CD86: variants seen among roughly 807,000 people sequenced by gnomAD.
CD86 encodes CD86 molecule.
In CD86, 11 loss-of-function variants were observed where a neutral mutation model predicts 32.1. That is an observed-to-expected ratio of 0.34 (90% CI 0.22 to 0.57). The LOEUF is 0.57. CD86 is among the 20% of genes least tolerant of loss of function. The probability of loss-of-function intolerance (pLI) is 0.86; values close to 1 mark genes in which losing one functional copy is unlikely to be tolerated. For synonymous variants in CD86, 137 were observed against 135.3 expected, an observed-to-expected ratio of 1.01 and a Z score of -0.09; for missense variants, 359 against 398.4, an observed-to-expected ratio of 0.90 and a Z score of 0.84.
chr3:122,070,128 T>A (rs1275544628), intron 1 of CD86, among the ~76,000 whole-genome samples: 1 of 152,228 alleles, frequency 6.6e-6, no homozygotes, highest in African/African-American at 2.4e-5. Context: ...CAGACAGTCT[T>A]CTGCATTCAC....
intron 1 of CD86, among the ~76,000 whole-genome samples, chr3:122,064,917 G>A (rs1382131659): frequency 6.6e-6 from 1 of 152,184 alleles, no homozygotes; most frequent in Non-Finnish European, 1.5e-5. Flanking sequence ...TTGGAAAGAT[G>A]AAGATGAATC....
intron 2 of CD86, among the ~76,000 whole-genome samples, chr3:122,097,104 A>G (rs2072919730): frequency 6.6e-6 from 1 of 152,236 alleles, no homozygotes. Flanking sequence ...TCTCGCGGAC[A>G]CTGGGTATTA....
intron 4 of CD86, among the ~76,000 whole-genome samples, chr3:122,108,014 T>C (rs1248182239): frequency 2.0e-5 from 3 of 152,220 alleles, no homozygotes; most frequent in East Asian, 1.9e-4. Flanking sequence ...ATTAGTTTGA[T>C]TGGTGGCCAC....
At chr3:122,085,108 A>C (rs1414069447) in intron 1 of CD86, among the ~76,000 whole-genome samples, 1 of 152,228 alleles carries the variant, frequency 6.6e-6, no homozygotes. Context: ...CACCAAACAC[A>C]ATGCTTGGTT....
chr3:122,087,976 C>A (rs2072751652), intron 1 of CD86, among the ~76,000 whole-genome samples: 1 of 152,076 alleles, frequency 6.6e-6, no homozygotes, highest in Non-Finnish European at 1.5e-5. Flanking sequence ...TCCAAGATTC[C>A]TTAGAGCAAT....
At chr3:122,057,379 A>C (rs940402555) in intron 1 of CD86, among the ~76,000 whole-genome samples, 2 of 152,252 alleles carry the variant, frequency 1.3e-5, no homozygotes, top group African/African-American at 4.8e-5. Context: ...TTGGATGATT[A>C]TGGAACATCC....
At chr3:122,118,864 T>G (rs1158517649) in intron 6 of CD86, among the ~76,000 whole-genome samples, 1 of 152,206 alleles carries the variant, frequency 6.6e-6, no homozygotes. Context: ...TGGTGATCAG[T>G]CCTTTCACAA....
At chr3:122,086,583 C>A in intron 1 of CD86, 1 of 481,584 alleles carries the variant, frequency 2.1e-6, no homozygotes, top group South Asian at 1.5e-5. Flanking sequence ...CACCTGAAGC[C>A]TAAATCCACG....
chr3:122,106,572 G>A (rs1234191884), intron 4 of CD86, 72 bp downstream of exon 4: 11 of 1,342,178 alleles, frequency 8.2e-6, no homozygotes, highest in African/African-American at 2.9e-5. Context: ...ATCATCCAAT[G>A]TCCCCGACTT....
intron 1 of CD86, among the ~76,000 whole-genome samples, chr3:122,084,215 G>T (rs1202220732): frequency 6.6e-6 from 1 of 152,202 alleles, no homozygotes. Context: ...TCAAACTCCT[G>T]ACCTCAGGTA....
rs535500351 is a variant in CD86 at position 122,075,294 on chromosome 3, C to T, written c.15-16307C>T. ...AATGGGTGAGGGTCCTAGAGACTAT[C>T]GACATGAGGGGCAGTTGAGAACACT... On this transcript the variant is annotated intron_variant, in intron 1 of 6. Transcript: ENST00000330540. 2.0e-5 allele frequency among the ~76,000 whole-genome samples: 3 copies of T among 152,138 alleles called. No homozygotes were observed. The South Asian group carries it at 6.2e-4, about 32-fold the overall frequency.
intron 2 of CD86, among the ~76,000 whole-genome samples, chr3:122,092,320 G>A (rs553122103): frequency 9.2e-5 from 14 of 152,076 alleles, no homozygotes; most frequent in Non-Finnish European, 1.9e-4. Flanking sequence ...CTAGCAGTGT[G>A]GTCACCTGTC....
chr3:122,082,462 C>T (rs529787181), intron 1 of CD86, among the ~76,000 whole-genome samples: 5 of 152,312 alleles, frequency 3.3e-5, no homozygotes, highest in Non-Finnish European at 5.9e-5. Flanking sequence ...TGCTGCCCTT[C>T]CCCTTGATAA....
At chr3:122,103,969 A>G (rs1260530872) in intron 3 of CD86, 122 bp downstream of exon 3, 5 of 752,566 alleles carry the variant, frequency 6.6e-6, no homozygotes, top group Non-Finnish European at 8.8e-6. Flanking sequence ...TATAGAGAGA[A>G]GGCAGAGGAC....
chr3:122,077,516 G>T (rs931983865), intron 1 of CD86, among the ~76,000 whole-genome samples: 15 of 142,814 alleles, frequency 1.1e-4, no homozygotes, highest in African/African-American at 3.5e-4. Context: ...TGGCCTCTCT[G>T]CCCTCACTCA....
chr3:122,119,417 T>C (rs766939527), intron 6 of CD86, 21 bp from the exon 7 acceptor site: 4 of 1,414,830 alleles, frequency 2.8e-6, no homozygotes, highest in African/African-American at 2.8e-5. Flanking sequence ...TATCACCTAA[T>C]CTTTTCTTCT....
At chr3:122,061,951 G>C (rs1012644651) in intron 1 of CD86, among the ~76,000 whole-genome samples, 1 of 152,108 alleles carries the variant, frequency 6.6e-6, no homozygotes, top group Non-Finnish European at 1.5e-5. Flanking sequence ...GTCCCTCAGT[G>C]GGTGAATCGT....
chr3:122,112,326 G>T (rs576280718), intron 5 of CD86, among the ~76,000 whole-genome samples: 57 of 147,092 alleles, frequency 3.9e-4, no homozygotes, highest in Middle Eastern at 3.4e-3. Context: ...TTTTTTTTTT[G>T]TGTGTGTGTG....
At chr3:122,101,513 A>AAAATATATATATAT (rs1202377219) in intron 2 of CD86, among the ~76,000 whole-genome samples, 4 of 46,336 alleles carry the variant, frequency 8.6e-5, no homozygotes, top group African/African-American at 3.4e-4. Flanking sequence ...AAAAAAAAAA[A>AAAATATATATATAT]ATATATATAT....
Sources: gnomAD v4.1 joint callset for allele counts (sites outside exome capture counted in the v4.1 genomes callset) on GRCh38, gnomAD v4.1.1 for gene constraint, MANE v1.5 for transcripts, NCBI Gene and HGNC (gene_info 2026-07-23, HGNC 2026-07-21) for gene names.